The following TMA16 variants were observed in gnomAD, a reference collection of about 807,000 sequenced individuals.
TMA16 encodes translation machinery-associated protein 16.
Under a neutral mutation model 27.1 loss-of-function variants are expected in TMA16, and 26 were observed. That is an observed-to-expected ratio of 0.96 (90% CI 0.70 to 1.33). TMA16 has a LOEUF of 1.33. TMA16 is among the 40% of genes most tolerant of loss of function. TMA16 has a pLI of 0.00. For missense variants in TMA16, 233 were observed against 241.4 expected, an observed-to-expected ratio of 0.97 and a Z score of 0.23; for synonymous variants, 71 against 81.9, an observed-to-expected ratio of 0.87 and a Z score of 0.72.
intron 2 of TMA16, among the ~76,000 whole-genome samples, chr4:163,507,536 G>T (rs986723145): frequency 4.6e-5 from 7 of 152,118 alleles, no homozygotes; most frequent in Admixed American, 1.3e-4. Flanking sequence ...AGGAGATATG[G>T]AATGGATAGT....
At chr4:163,501,883 A>C (rs1320982154) in intron 1 of TMA16, among the ~76,000 whole-genome samples, 3 of 152,186 alleles carry the variant, frequency 2.0e-5, no homozygotes, top group Non-Finnish European at 4.4e-5. Flanking sequence ...CTTACTTCCC[A>C]AAGTGAGTCA....
At position 163,519,664 on chromosome 4, in the gene TMA16, ATACT is replaced by A; in HGVS notation, c.*153_*156del. The A allele has an allele frequency of 1.3e-6, 1 of 754,326 alleles. No individual in the cohort carries two copies. Among genetic ancestry groups the A allele is most frequent in the Non-Finnish European group, 2.0e-6 (1 of 492,078 alleles). 46.7% of individuals were successfully genotyped at this position (754,326 alleles called of 1,614,324 possible). ...TTTGCGTTTCAAAAATGGTGTTATG[ATACT>A]TATTTTAAAATGAAGATTGCTTTTC... is the stretch of plus-strand genomic sequence containing the variant. On this transcript the variant is annotated 3_prime_UTR_variant, in exon 7 of 7. Coordinates refer to ENST00000358572, the MANE Select transcript of TMA16 (RefSeq NM_018352.3).
chr4:163,515,407 G>T lies in TMA16; in HGVS notation c.334G>T (p.Val112Phe). The change falls in exon 5 of 7, where the codon GTC becomes TTC. Residue 112 changes from valine (V) to phenylalanine (F), a missense_variant. Transcript: ENST00000358572. The stretch of plus-strand genomic sequence containing the variant: ...GAGGCGGCACTGTTCCCGGGAGACC[G>T]TCATCAAGCAGACGATGGAGCGGGA... The part of the protein sequence containing the change: ...QGRRHCSRET[V>F]IKQTMERERQ... The T allele has an allele frequency of 4.3e-6, 7 of 1,614,060 alleles. No homozygotes were observed. The highest frequency in any genetic ancestry group is 5.9e-6 in the Non-Finnish European group (7 of 1,179,988).
intron 3 of TMA16, among the ~76,000 whole-genome samples, chr4:163,513,075 A>G (rs1737820979): frequency 6.6e-6 from 1 of 152,084 alleles, no homozygotes; most frequent in Non-Finnish European, 1.5e-5. Flanking sequence ...GTTTATATTT[A>G]TCTACCTACC....
At chr4:163,512,339 C>T (rs921420311) in intron 2 of TMA16, 1 of 152,684 alleles carries the variant, frequency 6.5e-6, no homozygotes, top group Non-Finnish European at 1.5e-5. Context: ...TACCTATACA[C>T]TTTCTGAGCA....
At chr4:163,516,320 GA>G (rs1043921054) in intron 5 of TMA16, among the ~76,000 whole-genome samples, 1 of 152,186 alleles carries the variant, frequency 6.6e-6, no homozygotes, top group African/African-American at 2.4e-5. Flanking sequence ...ATTCTGTTTT[GA>G]TAAGATTTTG....
intron 1 of TMA16, among the ~76,000 whole-genome samples, chr4:163,499,561 C>T (rs1180346349): frequency 6.6e-6 from 1 of 152,042 alleles, no homozygotes; most frequent in African/African-American, 2.4e-5. Context: ...TAGTTGAGGA[C>T]ACACTCGAAT....
Position 163,507,036 on chromosome 4 carries a change from A to G in TMA16, c.7A>G (p.Lys3Glu), listed in dbSNP as rs1340362611. The change falls in exon 2 of 7, where the codon AAA (lysine) becomes GAA (glutamate). Residue 3 changes from lysine (K) to glutamate (E), a missense_variant. Transcript: ENST00000358572. MP[K>E]APKGKSAGRE... is the part of the protein sequence containing the mutation. ...CATGTGTTTTCATACATTTTAGCCCAAAGCACCAAAGGGAAAAAGTGCAGG... is the reference window on the plus strand; with the variant it reads ...CATGTGTTTTCATACATTTTAGCCCGAAGCACCAAAGGGAAAAAGTGCAGG... The G allele has an allele frequency of 6.3e-7, 1 of 1,584,160 alleles. No individual in the cohort carries two copies. The highest frequency in any genetic ancestry group is 1.2e-5 in the South Asian group (1 of 86,306).
At chr4:163,512,989 A>G in intron 3 of TMA16, 130 bp downstream of exon 3, 1 of 600,714 alleles carries the variant, frequency 1.7e-6, no homozygotes, top group East Asian at 3.0e-5. Flanking sequence ...CTTGATCTAA[A>G]CAAAGCAAAT....
chr4:163,517,629 A>C (rs1425583777), intron 6 of TMA16, 153 bp downstream of exon 6: 1 of 613,224 alleles, frequency 1.6e-6, no homozygotes, highest in Non-Finnish European at 2.7e-6. Flanking sequence ...AATTTTCTGA[A>C]GTTGGGCGTA....
chr4:163,511,048 C>T (rs1484818653), intron 2 of TMA16, among the ~76,000 whole-genome samples: 1 of 152,132 alleles, frequency 6.6e-6, no homozygotes, highest in Non-Finnish European at 1.5e-5. Context: ...GGTTAACACA[C>T]TTAAGATGTT....
chr4:163,500,210 CTTTTT>C (rs34832261), intron 1 of TMA16, among the ~76,000 whole-genome samples: 1 of 132,262 alleles, frequency 7.6e-6, no homozygotes. Flanking sequence ...TTCTTTCTTT[CTTTTT>C]TTTTTTTTTT....
chr4:163,507,179 G>T, intron 2 of TMA16, 34 bp downstream of exon 2: 2 of 1,517,520 alleles, frequency 1.3e-6, no homozygotes, highest in South Asian at 2.4e-5. Flanking sequence ...ATTACTCGTT[G>T]GTAAAAAGCC....
chr4:163,505,008 G>A (rs1737701191), intron 1 of TMA16, among the ~76,000 whole-genome samples: 1 of 152,206 alleles, frequency 6.6e-6, no homozygotes, highest in Admixed American at 6.5e-5. Context: ...ATGGAAGCCA[G>A]ACTTCTTTGA....
At position 163,495,135 on chromosome 4, in the gene TMA16, ACTT is replaced by A. The variant is rs1737530582; in HGVS notation, c.3+334_3+336del. 7.9e-5 allele frequency among the ~76,000 whole-genome samples: 12 copies of A among 152,152 alleles called. No individual in the cohort carries two copies. In the South Asian group the frequency reaches 2.3e-3, roughly 29 times the overall value. On this transcript the variant is annotated intron_variant, in intron 1 of 6. Transcript: ENST00000358572. ...GTAACGCATCGAGGAGTTTGGCAAA[ACTT>A]CTGAGATCGCTGGCCCTACACACCT... is the stretch of plus-strand genomic sequence containing the variant.
chr4:163,497,021 A>G (rs529570967), intron 1 of TMA16, among the ~76,000 whole-genome samples: 8 of 152,300 alleles, frequency 5.3e-5, no homozygotes, highest in South Asian at 2.1e-4. Flanking sequence ...TCCTTTTTAT[A>G]TAAACCTGTC....
chr4:163,519,566 C>A lies in TMA16; in HGVS notation c.*52C>A. ...TAATTTGAGAGCTTCAAATTATATTCATTGATTATGGTACCTAATTGTCAT... is the reference window on the plus strand; with the variant it reads ...TAATTTGAGAGCTTCAAATTATATTAATTGATTATGGTACCTAATTGTCAT... On this transcript the variant is annotated 3_prime_UTR_variant, in exon 7 of 7. Coordinates refer to ENST00000358572, the MANE Select transcript of TMA16 (RefSeq NM_018352.3). 6.9e-7 allele frequency: 1 copy of A among 1,454,398 alleles called. No individual in the cohort carries two copies. Among genetic ancestry groups the A allele is most frequent in the South Asian group, 1.4e-5 (1 of 70,732 alleles). 90.1% of individuals were successfully genotyped at this position (1,454,398 alleles called of 1,614,324 possible).
At chr4:163,500,211 T>A (rs907370680) in intron 1 of TMA16, among the ~76,000 whole-genome samples, 2 of 97,794 alleles carry the variant, frequency 2.0e-5, no homozygotes, top group Non-Finnish European at 4.0e-5. Context: ...TCTTTCTTTC[T>A]TTTTTTTTTT....
intron 1 of TMA16, 54 bp downstream of exon 1, chr4:163,494,858 T>C (rs1433196384): frequency 6.2e-7 from 1 of 1,607,596 alleles, no homozygotes. Context: ...GGAAGGCTCT[T>C]GTTGAGCAGG....
Sources: gnomAD v4.1 joint callset for allele counts (sites outside exome capture counted in the v4.1 genomes callset) on GRCh38, gnomAD v4.1.1 for gene constraint, MANE v1.5 for transcripts, NCBI Gene and HGNC (gene_info 2026-07-23, HGNC 2026-07-21) for gene names.